PALM2AKAP2: variants seen among roughly 807,000 people sequenced by gnomAD.
PALM2AKAP2 encodes the protein PALM2-AKAP2 fusion protein.
In PALM2AKAP2, 37 loss-of-function variants were observed where a neutral mutation model predicts 71.5. The ratio of observed to expected loss-of-function variants is 0.52; its 90% CI spans 0.40 to 0.68. PALM2AKAP2 has a LOEUF of 0.68. Ranked by LOEUF, PALM2AKAP2 falls within the 30% of genes least tolerant of loss-of-function variation. The pLI is 0.00. For synonymous variants in PALM2AKAP2, 468 were observed against 478.8 expected (o/e 0.98, Z 0.29); for missense variants, 1,224 against 1,191.8 (o/e 1.03, Z -0.40).
At chr9:109,923,428 T>C (rs1830882584) in intron 3 of PALM2AKAP2, among the ~76,000 whole-genome samples, 1 of 152,198 alleles carries the variant, frequency 6.6e-6, no homozygotes, top group Admixed American at 6.5e-5. Context: ...GTAAATATAA[T>C]CTCCCTCCAA....
At chr9:110,098,340 C>T (rs980149730) in intron 1 of PALM2AKAP2, among the ~76,000 whole-genome samples, 3 of 152,084 alleles carry the variant, frequency 2.0e-5, no homozygotes, top group Non-Finnish European at 4.4e-5. Context: ...ATAAAAAGTG[C>T]GTGATACTTA....
intron 1 of PALM2AKAP2, among the ~76,000 whole-genome samples, chr9:109,646,611 A>C (rs1182719562): frequency 6.7e-6 from 1 of 149,336 alleles, no homozygotes; most frequent in Non-Finnish European, 1.5e-5. Context: ...ATTAAGTTAC[A>C]GATAACTTAA....
chr9:109,698,684 C>T (rs192806688), intron 1 of PALM2AKAP2, among the ~76,000 whole-genome samples: 51 of 152,274 alleles, frequency 3.3e-4, no homozygotes, highest in Non-Finnish European at 5.1e-4. Context: ...CATTCAGAGA[C>T]GGCACAGGAA....
intron 3 of PALM2AKAP2, among the ~76,000 whole-genome samples, chr9:109,897,611 C>T (rs4978857): frequency 0.15 from 23,410 of 152,034 alleles, 2,261 homozygotes; most frequent in East Asian, 0.25. Flanking sequence ...TTGACAATGA[C>T]GATAGCTGCT....
intron 1 of PALM2AKAP2, among the ~76,000 whole-genome samples, chr9:110,091,671 C>T (rs974059838): frequency 2.0e-5 from 3 of 152,050 alleles, no homozygotes; most frequent in South Asian, 2.1e-4. Flanking sequence ...ACCGTGTTAG[C>T]CAGGATGGTC....
At chr9:109,699,389 A>G (rs1451991482) in intron 1 of PALM2AKAP2, among the ~76,000 whole-genome samples, 2 of 152,232 alleles carry the variant, frequency 1.3e-5, no homozygotes, top group Non-Finnish European at 2.9e-5. Context: ...ACTTTTCAGA[A>G]TTTTATATTG....
chr9:109,806,789 ACC>A (rs1253486567), intron 1 of PALM2AKAP2, among the ~76,000 whole-genome samples: 1 of 152,154 alleles, frequency 6.6e-6, no homozygotes, highest in Non-Finnish European at 1.5e-5. Context: ...AGGTGATGTG[ACC>A]AAAGAGGTGG....
chr9:109,733,599 T>C (rs896670469), intron 1 of PALM2AKAP2, among the ~76,000 whole-genome samples: 2 of 152,200 alleles, frequency 1.3e-5, no homozygotes, highest in African/African-American at 4.8e-5. Context: ...GGAATGACAT[T>C]CAACCAGCCT....
intron 6 of PALM2AKAP2, among the ~76,000 whole-genome samples, chr9:109,938,781 C>A (rs1259671034): frequency 6.6e-6 from 1 of 152,178 alleles, no homozygotes; most frequent in Non-Finnish European, 1.5e-5. Flanking sequence ...GTAATCTCAG[C>A]ACTTTGGGAG....
intron 1 of PALM2AKAP2, among the ~76,000 whole-genome samples, chr9:110,080,194 T>G (rs1312268382): frequency 6.6e-6 from 1 of 152,050 alleles, no homozygotes; most frequent in African/African-American, 2.4e-5. Context: ...CTAGGCATAG[T>G]GCCAGGCAGC....
At chr9:109,725,649 G>T (rs1400789724) in intron 1 of PALM2AKAP2, among the ~76,000 whole-genome samples, 1 of 152,098 alleles carries the variant, frequency 6.6e-6, no homozygotes. Flanking sequence ...TACTATACAG[G>T]CATTAAAAAT....
intron 1 of PALM2AKAP2, among the ~76,000 whole-genome samples, chr9:109,742,964 T>C (rs1828737991): frequency 6.6e-6 from 1 of 152,150 alleles, no homozygotes; most frequent in African/African-American, 2.4e-5. Flanking sequence ...GAAGCAGAGA[T>C]AGAAGGAGTG....
exon 2 of PALM2AKAP2, chr9:110,136,900 G>A: frequency 6.2e-7 from 1 of 1,614,212 alleles, no homozygotes; most frequent in Admixed American, 1.7e-5. Context: ...TGGAAAAGGA[G>A]AGGAGAGAGC....
intron 3 of PALM2AKAP2, among the ~76,000 whole-genome samples, chr9:109,904,534 C>G (rs940635910): frequency 6.6e-6 from 1 of 152,190 alleles, no homozygotes; most frequent in Non-Finnish European, 1.5e-5. Context: ...GATGCCTGTA[C>G]TATTTCTAAA....
intron 1 of PALM2AKAP2, among the ~76,000 whole-genome samples, chr9:110,071,062 G>A (rs1367404543): frequency 6.6e-6 from 1 of 150,458 alleles, no homozygotes; most frequent in Non-Finnish European, 1.5e-5. Flanking sequence ...TATGTGGGAG[G>A]CTGAGGCAGG....
chr9:109,916,861 A>T (rs150939957), intron 3 of PALM2AKAP2, among the ~76,000 whole-genome samples: 72 of 152,334 alleles, frequency 4.7e-4, no homozygotes, highest in African/African-American at 1.6e-3. Context: ...TGGACATAGG[A>T]TTACTGCTCT....
intron 1 of PALM2AKAP2, among the ~76,000 whole-genome samples, chr9:109,861,781 G>T (rs1283060741): frequency 6.6e-6 from 1 of 152,108 alleles, no homozygotes; most frequent in Non-Finnish European, 1.5e-5. Context: ...ATTTCATGTG[G>T]GTTAATGTCT....
At chr9:109,674,742 ATT>A (rs1827624848) in intron 1 of PALM2AKAP2, among the ~76,000 whole-genome samples, 1 of 152,046 alleles carries the variant, frequency 6.6e-6, no homozygotes, top group Non-Finnish European at 1.5e-5. Context: ...TGGCTTGTTT[ATT>A]TGTTTTAATC....
At chr9:109,775,674 G>A (rs1266571785), upstream of PALM2AKAP2, among the ~76,000 whole-genome samples, 2 of 152,188 alleles carry the variant, frequency 1.3e-5, no homozygotes, top group Admixed American at 6.5e-5. Flanking sequence ...TTGTCCAAGG[G>A]AAGCTTCAGG....
Sources: gnomAD v4.1 joint callset for allele counts (sites outside exome capture counted in the v4.1 genomes callset) on GRCh38, gnomAD v4.1.1 for gene constraint, MANE v1.5 for transcripts, NCBI Gene and HGNC (gene_info 2026-07-23, HGNC 2026-07-21) for gene names.